IRF3: variants seen among roughly 807,000 people sequenced by gnomAD.
IRF3 encodes interferon regulatory factor 3.
IRF3 carries 29 observed loss-of-function variants against 43.2 expected under a neutral mutation model. The ratio of observed to expected loss-of-function variants is 0.67; its 90% CI spans 0.50 to 0.91. The LOEUF (loss-of-function observed/expected upper bound fraction) is 0.91, where lower values mean the gene tolerates loss of function less well. Among genes scored for constraint, IRF3 ranks in the 40% least tolerant of loss-of-function variants. The pLI is 0.00. For missense variants in IRF3, 505 were observed against 559.1 expected, an observed-to-expected ratio of 0.90 and a Z score of 0.98; for synonymous variants, 228 against 233.9, an observed-to-expected ratio of 0.97 and a Z score of 0.23.
intron 1 of IRF3, chr19:49,665,281 CA>C (rs2081626451): frequency 5.5e-6 from 1 of 180,200 alleles, no homozygotes; most frequent in Non-Finnish European, 1.2e-5. Flanking sequence ...GAAGATCTCC[CA>C]AAACATTTCC....
In IRF3 at chr19:49,664,788, G is replaced by C; in HGVS notation, c.51C>G (p.Asp17Glu). 1 of 1,613,908 alleles carries C rather than the reference G, an allele frequency of 6.2e-7. No homozygotes were observed. Among genetic ancestry groups the C allele is most frequent in the South Asian group, 1.1e-5 (1 of 91,078 alleles). Reference sequence around the variant, plus strand: ...AGGCCACGCCCTCCAGTTGCCCCAGGTCCAGCTGCGACACCAGCCAGGGCA... The same window carrying C: ...AGGCCACGCCCTCCAGTTGCCCCAGCTCCAGCTGCGACACCAGCCAGGGCA... ...RILPWLVSQL[D>E]LGQLEGVAWV... Residue 17 changes from aspartate (D) to glutamate (E), a missense_variant, in exon 2 of 8, where the codon GAC becomes GAG. Transcript: ENST00000377139.
intron 2 of IRF3, 182 bp downstream of exon 2, chr19:49,664,492 C>A (rs543608536): frequency 6.4e-7 from 1 of 1,553,456 alleles, no homozygotes; most frequent in African/African-American, 1.4e-5. Flanking sequence ...ACCCTGCTTG[C>A]GCCCCACCAT....
chr19:49,660,093 AACAC>A (rs140415851), intron 7 of IRF3, among the ~76,000 whole-genome samples: 16 of 130,588 alleles, frequency 1.2e-4, no homozygotes, highest in African/African-American at 3.8e-4. Context: ...CACACACACA[AACAC>A]ACACACACAC....
At chr19:49,664,579 C>CGA (rs2081560364) in intron 2 of IRF3, 95 bp downstream of exon 2, 4 of 1,609,424 alleles carry the variant, frequency 2.5e-6, no homozygotes, top group Non-Finnish European at 2.5e-6. Flanking sequence ...CCGCCCCTCG[C>CGA]GCGCCACCTC....
In IRF3 at chr19:49,659,779, A is replaced by G. The variant is rs1270637498; in HGVS notation, c.1153T>C (p.Ser385Pro). 1 of 1,612,202 alleles carries G rather than the reference A, an allele frequency of 6.2e-7. No homozygotes were observed. Among genetic ancestry groups the G allele is most frequent in the Admixed American group, 1.7e-5 (1 of 59,858 alleles). Residue 385 changes from serine to proline, a missense_variant, in exon 8 of 8, where the codon TCC (serine) becomes CCC (proline). Physicochemically the swap from Ser to Pro is moderately conservative, Grantham distance 74. Transcript: ENST00000377139. ...LVEMARVGGA[S>P]SLENTVDLHI... ...AGGTCCACAGTATTCTCCAGGGAGG[A>G]GGCACCCCCTACCCGGGCCATTTCT...
chr19:49,663,344 T>C lies in IRF3; in HGVS notation c.336A>G (p.Ser112=). Residue 112 remains serine (S), a splice_region_variant and synonymous_variant, in exon 3 of 8, where the codon TCA becomes TCG. Transcript: ENST00000377139. ...DPHKIYEFVN[S]GVGDFSQPDT... ...CACACGAACCCCAAGCTGGCAGACC[T>C]GAGTTCACAAACTCGTAGATTTTAT... The C allele has an allele frequency of 6.2e-7, 1 of 1,614,178 alleles. No individual in the cohort carries two copies. Among genetic ancestry groups the C allele is most frequent in the Non-Finnish European group, 8.5e-7 (1 of 1,180,008 alleles).
intron 4 of IRF3, 85 bp downstream of exon 4, chr19:49,663,103 G>C: frequency 1.7e-6 from 2 of 1,206,748 alleles, no homozygotes; most frequent in East Asian, 4.7e-5. Context: ...AGGCAGGGGA[G>C]TGGGGGGATC....
At position 49,659,700 on chromosome 19, in the gene IRF3, T is replaced by C; in HGVS notation, c.1232A>G (p.Tyr411Cys). 6.2e-7 allele frequency: 1 copy of C among 1,613,820 alleles called. No individual in the cohort carries two copies. The highest frequency in any genetic ancestry group is 2.2e-5 in the East Asian group (1 of 44,868). ...CATGCCCTCCACCAAGTCCTGCAGG[T>C]AGGCCTTGTACTGGTCGGAGGTGAG... ...LSLTSDQYKA[Y>C]LQDLVEGMDF... The change falls in exon 8 of 8, where the codon TAC becomes TGC. Residue 411 changes from tyrosine (Y) to cysteine (C), a missense_variant. Physicochemically the swap from Tyr to Cys is radical, Grantham distance 194. Coordinates refer to ENST00000377139, the MANE Select transcript of IRF3 (RefSeq NM_001571.6).
Position 49,662,599 on chromosome 19 carries a change from ACT to A in IRF3, c.425_426del (p.Glu142ValfsTer4). ...GGGGCCAACACCATGTTACCCAGTA[ACT>A]CATCCAGAATGTCTTCCTGGAGGGA... ...TSDTQEDILD[E>X]LLGNMVLAPL... On this transcript the variant is annotated frameshift_variant, in exon 5 of 8. Coordinates refer to ENST00000377139, the MANE Select transcript of IRF3 (RefSeq NM_001571.6). LOFTEE classifies it high-confidence loss of function. 1 of 1,528,060 alleles carries A rather than the reference ACT, an allele frequency of 6.5e-7. No individual in the cohort carries two copies. The highest frequency in any genetic ancestry group is 8.8e-7 in the Non-Finnish European group (1 of 1,141,440). The allele number at this position is 1,528,060 out of a possible 1,614,324, so 94.7% of individuals were successfully genotyped here.
chr19:49,662,627 A>G lies in IRF3; in HGVS notation c.409-10T>C, dbSNP rs1453168380. ...CATCCAGAATGTCTTCCTGGAGGGA[A>G]ACAAAAAAAGAGAATCAGGCATTTC... On this transcript the variant is annotated splice_polypyrimidine_tract_variant and intron_variant, in intron 4 of 7. Transcript: ENST00000377139. 6.5e-7 allele frequency: 1 copy of G among 1,528,276 alleles called. No individual in the cohort carries two copies. Among genetic ancestry groups the G allele is most frequent in the Admixed American group, 2.3e-5 (1 of 42,890 alleles). 94.7% of individuals were successfully genotyped at this position (1,528,276 alleles called of 1,614,324 possible). A position where few individuals can be genotyped will look rare whatever the true frequency, so the allele number is the denominator to read the frequency against.
In IRF3 at chr19:49,661,066, C is replaced by T. The variant is rs548788080; in HGVS notation, c.983-238G>A. On this transcript the variant is annotated intron_variant, in intron 6 of 7. Coordinates refer to ENST00000377139, the MANE Select transcript of IRF3 (RefSeq NM_001571.6). ...CAAGCCTCAGCATTCATAACAGGCC[C>T]AGAGTAGGGGGCCCATGCTCCCAAG... is the stretch of plus-strand genomic sequence containing the variant. 2.3e-5 allele frequency: 12 copies of T among 521,860 alleles called. No homozygotes were observed. The East Asian group carries it at 4.1e-4, about 18-fold the overall frequency. The allele number at this position is 521,860 out of a possible 1,614,324, so 32.3% of individuals were successfully genotyped here.
chr19:49,664,913 G>T, intron 1 of IRF3, 67 bp from the exon 2 acceptor site: 1 of 1,503,036 alleles, frequency 6.7e-7, no homozygotes. Flanking sequence ...TGGAGTTTCC[G>T]CACCCAGACC....
chr19:49,661,639 G>A, intron 6 of IRF3: 1 of 269,240 alleles, frequency 3.7e-6, no homozygotes, highest in South Asian at 7.0e-5. Context: ...GAGTGCAGTG[G>A]TGCGATCTCA....
rs777584797 is a variant in IRF3 at position 49,664,889 on chromosome 19, G to A, written c.-8-43C>T. On this transcript the variant is annotated intron_variant, in intron 1 of 7. Coordinates refer to ENST00000377139, the MANE Select transcript of IRF3 (RefSeq NM_001571.6). The stretch of plus-strand genomic sequence containing the variant: ...TTCCTGGGCGCGACCGGCCTCCCCC[G>A]GACCCACCTGGCCTGGAGTTTCCGC... The A allele has an allele frequency of 6.4e-6, 10 of 1,572,510 alleles. No homozygotes were observed. In the African/African-American group the frequency reaches 1.1e-4, roughly 17 times the overall value.
In IRF3 at chr19:49,662,329, C is replaced by G; in HGVS notation, c.602-1G>C. The G allele has an allele frequency of 1.2e-6, 2 of 1,613,226 alleles. No individual in the cohort carries two copies. Among genetic ancestry groups the G allele is most frequent in the Non-Finnish European group, 8.5e-7 (1 of 1,179,558 alleles). On this transcript the variant is annotated splice_acceptor_variant, in intron 5 of 7. Coordinates refer to ENST00000377139, the MANE Select transcript of IRF3 (RefSeq NM_001571.6). LOFTEE classifies it high-confidence loss of function. ...AAGGCTGTCACCTCGAACTCCCACT[C>G]TGAGCAGCGGCAGCAGCGGCATGAA...
chr19:49,662,036 C>T lies in IRF3; in HGVS notation c.894G>A (p.Glu298=). The part of the protein sequence containing the change: ...HCHTYWAVSE[E]LLPNSGHGPD... Reference sequence around the variant, plus strand: ...GCCCATGCCCGCTGTTGGGGAGCAGCTCCTCGCTCACTGCCCAGTATGTGT... The same window carrying T: ...GCCCATGCCCGCTGTTGGGGAGCAGTTCCTCGCTCACTGCCCAGTATGTGT... The change falls in exon 6 of 8, where the codon GAG becomes GAA. Residue 298 remains glutamate (E), a synonymous_variant. Coordinates refer to ENST00000377139, the MANE Select transcript of IRF3 (RefSeq NM_001571.6). The T allele has an allele frequency of 1.2e-6, 2 of 1,614,154 alleles. No homozygotes were observed. The highest frequency in any genetic ancestry group is 1.7e-6 in the Non-Finnish European group (2 of 1,180,004).
At chr19:49,663,614 C>T in intron 2 of IRF3, 100 bp from the exon 3 acceptor site, 1 of 1,167,804 alleles carries the variant, frequency 8.6e-7, no homozygotes, top group East Asian at 2.5e-5. Context: ...ACCCTCTTTC[C>T]CTGGCAAGTT....
intron 6 of IRF3, chr19:49,661,606 A>C: frequency 5.5e-6 from 1 of 183,328 alleles, no homozygotes; most frequent in Non-Finnish European, 1.1e-5. Flanking sequence ...TTCGAGATGG[A>C]GTCTTACTCT....
chr19:49,659,996 C>CATCT (rs770396432), intron 7 of IRF3, among the ~76,000 whole-genome samples, 163 bp from the exon 8 acceptor site: 1 of 120,548 alleles, frequency 8.3e-6, no homozygotes. Flanking sequence ...CACACACACA[C>CATCT]ACACACACAC....
Sources: allele counts gnomAD v4.1 joint callset (sites outside exome capture counted in the v4.1 genomes callset), GRCh38; gene constraint gnomAD v4.1.1; transcripts MANE v1.5; gene names NCBI Gene and HGNC (gene_info 2026-07-23, HGNC 2026-07-21).